Variants in PDE10A observed in about 807,000 individuals in gnomAD.
The protein encoded by PDE10A is phosphodiesterase 10A.
A neutral mutation model predicts 97.7 loss-of-function variants in PDE10A; 39 were observed. The observed-to-expected ratio is 0.40, with a 90% CI of 0.31 to 0.52. PDE10A has a LOEUF of 0.52. PDE10A is among the 20% of genes least tolerant of loss of function. The pLI is 0.56. For synonymous variants in PDE10A, 371 were observed against 376.8 expected (o/e 0.98, Z 0.18); for missense variants, 731 against 1,047.8 (o/e 0.70, Z 4.17).
chr6:165,654,649 G>A (rs1407469030), intron 1 of PDE10A, among the ~76,000 whole-genome samples: 1 of 151,754 alleles, frequency 6.6e-6, no homozygotes, highest in Non-Finnish European at 1.5e-5. Flanking sequence ...ACATTCCCAA[G>A]TCAATTCTCC....
At chr6:165,753,256 T>C (rs1793047708) in intron 1 of PDE10A, among the ~76,000 whole-genome samples, 1 of 152,236 alleles carries the variant, frequency 6.6e-6, no homozygotes, top group Non-Finnish European at 1.5e-5. Context: ...TGTTGAATTT[T>C]CAGCAAATTA....
At chr6:165,607,919 C>T (rs1158422561) in intron 1 of PDE10A, among the ~76,000 whole-genome samples, 1 of 152,054 alleles carries the variant, frequency 6.6e-6, no homozygotes, top group Non-Finnish European at 1.5e-5. Flanking sequence ...CGGTCCTCCG[C>T]TGAGTTTGCA....
intron 1 of PDE10A, among the ~76,000 whole-genome samples, chr6:165,782,627 A>T (rs1778374320): frequency 6.6e-6 from 1 of 152,244 alleles, no homozygotes; most frequent in Non-Finnish European, 1.5e-5. Context: ...AACTCTGTTA[A>T]CACAATCTGT....
chr6:165,933,675 T>A (rs1318312618), intron 1 of PDE10A, among the ~76,000 whole-genome samples: 1 of 152,124 alleles, frequency 6.6e-6, no homozygotes, highest in Non-Finnish European at 1.5e-5. Context: ...TGCTTCTGGG[T>A]TTTTACAGCC....
chr6:165,725,548 C>T (rs1382271509), intron 1 of PDE10A, among the ~76,000 whole-genome samples: 1 of 152,230 alleles, frequency 6.6e-6, no homozygotes, highest in Non-Finnish European at 1.5e-5. Flanking sequence ...GTGGATCATG[C>T]TTTAGCCATC....
At chr6:165,559,663 T>C (rs1784428428) in intron 1 of PDE10A, among the ~76,000 whole-genome samples, 1 of 152,188 alleles carries the variant, frequency 6.6e-6, no homozygotes, top group African/African-American at 2.4e-5. Context: ...CAGTCCCTAA[T>C]ATGGTTTGGC....
At chr6:165,691,586 C>CGT (rs1491044873) in intron 1 of PDE10A, among the ~76,000 whole-genome samples, 53 of 34,492 alleles carry the variant, frequency 1.5e-3, no homozygotes, top group African/African-American at 2.3e-3. Flanking sequence ...CGCATGCACG[C>CGT]GCGCGCACAC....
chr6:165,421,393 T>C (rs1788682888), intron 10 of PDE10A, among the ~76,000 whole-genome samples: 1 of 152,122 alleles, frequency 6.6e-6, no homozygotes, highest in African/African-American at 2.4e-5. Context: ...CAGTGAGCCA[T>C]GACTGAGCCA....
intron 3 of PDE10A, among the ~76,000 whole-genome samples, chr6:165,461,424 G>A (rs1233156558): frequency 1.3e-5 from 2 of 152,094 alleles, no homozygotes; most frequent in Non-Finnish European, 2.9e-5. Context: ...ATTCTGGCTC[G>A]AAAAGTAAAG....
chr6:165,945,874 A>G (rs1783748625), intron 1 of PDE10A, among the ~76,000 whole-genome samples: 1 of 152,240 alleles, frequency 6.6e-6, no homozygotes, highest in Admixed American at 6.5e-5. Context: ...TAGATAAATA[A>G]TTAAACCAAG....
chr6:165,796,607 T>A (rs1778840180), intron 1 of PDE10A, among the ~76,000 whole-genome samples: 1 of 152,148 alleles, frequency 6.6e-6, no homozygotes, highest in Non-Finnish European at 1.5e-5. Context: ...ATAAATAAAA[T>A]TTTTTCCTTT....
At chr6:165,622,012 C>T (rs1167616642) in intron 1 of PDE10A, among the ~76,000 whole-genome samples, 1 of 152,062 alleles carries the variant, frequency 6.6e-6, no homozygotes, top group East Asian at 1.9e-4. Context: ...AGCAGATTAC[C>T]CTCTATAATG....
At chr6:165,860,862 C>T (rs1408939817) in intron 1 of PDE10A, among the ~76,000 whole-genome samples, 2 of 152,170 alleles carry the variant, frequency 1.3e-5, no homozygotes, top group Non-Finnish European at 2.9e-5. Flanking sequence ...CTGAAGGGCT[C>T]CCGCACCCAT....
chr6:165,610,768 G>T (rs1355701018), intron 1 of PDE10A, among the ~76,000 whole-genome samples: 1 of 152,094 alleles, frequency 6.6e-6, no homozygotes, highest in East Asian at 1.9e-4. Context: ...TTCTGTATAA[G>T]TTCCACCTTT....
In PDE10A at chr6:165,979,867, T is replaced by C. The variant is rs1372127997; in HGVS notation, c.-615+7662A>G. 2.0e-5 allele frequency among the ~76,000 whole-genome samples: 3 copies of C among 152,154 alleles called. No homozygotes were observed. In the East Asian group the frequency reaches 5.8e-4, roughly 29 times the overall value. On this transcript the variant is annotated intron_variant, in intron 1 of 19. Coordinates refer to the PDE10A transcript ENST00000366882. Reference sequence around the variant, plus strand: ...ATATACCAATTACAATTCTCACAAATCTCCTCAGAAAGAACATTCATGTCC... The same window carrying C: ...ATATACCAATTACAATTCTCACAAACCTCCTCAGAAAGAACATTCATGTCC...
chr6:165,420,661 C>T (rs758346870), intron 10 of PDE10A, among the ~76,000 whole-genome samples: 1 of 152,046 alleles, frequency 6.6e-6, no homozygotes, highest in Non-Finnish European at 1.5e-5. Flanking sequence ...AAATCTGGAT[C>T]AAATGGACAA....
chr6:165,881,290 T>C (rs2500470), intron 1 of PDE10A, among the ~76,000 whole-genome samples: 116,834 of 151,908 alleles, frequency 0.77, 45,159 homozygotes, highest in East Asian at 0.96. Context: ...CTCCATCCTT[T>C]GAGACAGTAA....
chr6:165,972,767 C>A (rs1784723948), intron 1 of PDE10A, among the ~76,000 whole-genome samples: 2 of 152,150 alleles, frequency 1.3e-5, no homozygotes. Flanking sequence ...CGCCAAGAGG[C>A]CAGAACAATT....
intron 5 of PDE10A, among the ~76,000 whole-genome samples, chr6:165,444,106 G>A (rs1191886691): frequency 2.6e-5 from 4 of 152,058 alleles, no homozygotes; most frequent in African/African-American, 9.7e-5. Flanking sequence ...GACTGTGCAA[G>A]GCTAGGAGCA....
Sources: gnomAD v4.1 joint callset for allele counts (sites outside exome capture counted in the v4.1 genomes callset) on GRCh38, gnomAD v4.1.1 for gene constraint, MANE v1.5 for transcripts, NCBI Gene and HGNC (gene_info 2026-07-23, HGNC 2026-07-21) for gene names.